The following JAKMIP2 variants were observed in gnomAD, a reference collection of about 807,000 sequenced individuals.
The protein encoded by JAKMIP2 is janus kinase and microtubule-interacting protein 2.
JAKMIP2 carries 25 observed loss-of-function variants against 115.0 expected under a neutral mutation model. That is an observed-to-expected ratio of 0.22 (90% CI 0.16 to 0.30). The LOEUF (loss-of-function observed/expected upper bound fraction) is 0.30. Ranked by LOEUF, JAKMIP2 falls within the 10% of genes least tolerant of loss-of-function variation. JAKMIP2 has a pLI of 1.00. For synonymous variants in JAKMIP2, 334 were observed against 343.6 expected (o/e 0.97, Z 0.31); for missense variants, 642 against 957.6 (o/e 0.67, Z 4.35).
Position 147,641,519 on chromosome 5 carries a change from A to G in JAKMIP2, c.1281+189T>C, listed in dbSNP as rs144338302. The stretch of plus-strand genomic sequence containing the variant: ...AAACCCCTTTCAGGTTAAAATTTAC[A>G]ACATAATCATTTTTAGACTTCGAAG... On this transcript the variant is annotated intron_variant, in intron 8 of 21. Coordinates refer to ENST00000616793, the MANE Select transcript of JAKMIP2 (RefSeq NM_001270941.2). Among the ~76,000 whole-genome samples the G allele has an allele frequency of 3.2e-3, 490 of 152,302 alleles. 3 individuals carry two copies. The highest frequency in any genetic ancestry group is 0.011 in the African/African-American group (477 of 41,558).
In JAKMIP2 at chr5:147,753,782, C is replaced by T. The variant is rs186321478; in HGVS notation, c.-149+28674G>A. On this transcript the variant is annotated intron_variant, in intron 1 of 21. Transcript: ENST00000616793. ...AATATTATTGGTGAGTCTGGTGTAA[C>T]ACATTGTGCCTATGTGCTCAGCAGA... 6.3e-4 allele frequency among the ~76,000 whole-genome samples: 95 copies of T among 151,646 alleles called. 1 individual carries two copies. The highest frequency in any genetic ancestry group is 3.4e-4 in the Non-Finnish European group (23 of 67,946).
intron 1 of JAKMIP2, among the ~76,000 whole-genome samples, chr5:147,672,381 T>C (rs1296571241): frequency 6.6e-6 from 1 of 152,222 alleles, no homozygotes; most frequent in East Asian, 1.9e-4. Flanking sequence ...CAGGATTACA[T>C]GTAATAGCTA....
At chr5:147,592,007 T>G (rs1755121256) in intron 21 of JAKMIP2, among the ~76,000 whole-genome samples, 2 of 152,208 alleles carry the variant, frequency 1.3e-5, no homozygotes, top group Admixed American at 1.3e-4. Context: ...GAAGTTAAAT[T>G]GAATAATCAT....
At chr5:147,769,796 GTGTT>G (rs1394024953) in intron 1 of JAKMIP2, among the ~76,000 whole-genome samples, 3 of 150,758 alleles carry the variant, frequency 2.0e-5, no homozygotes, top group Non-Finnish European at 4.4e-5. Context: ...CAGAAACACT[GTGTT>G]TGTCTCTGTA....
chr5:147,772,680 T>C (rs1266893877), intron 1 of JAKMIP2, among the ~76,000 whole-genome samples: 3 of 152,096 alleles, frequency 2.0e-5, no homozygotes, highest in Non-Finnish European at 4.4e-5. Context: ...TTCACTCAGG[T>C]TTACAAACAC....
chr5:147,710,499 G>A (rs555341052), intron 1 of JAKMIP2, among the ~76,000 whole-genome samples: 80 of 152,248 alleles, frequency 5.3e-4, no homozygotes, highest in African/African-American at 1.9e-3. Context: ...TGGGCTTTAC[G>A]ACTTACTAGC....
rs1754912611 is a variant in JAKMIP2 at position 147,587,315 on chromosome 5, G to T, written c.*4392C>A. The T allele has an allele frequency of 6.6e-6, 1 of 151,990 alleles. No homozygotes were observed. Among genetic ancestry groups the T allele is most frequent in the Non-Finnish European group, 1.5e-5 (1 of 68,004 alleles). The allele number at this position is 151,990 out of a possible 1,614,324, so 9.4% of individuals were successfully genotyped here. A position where few individuals can be genotyped will look rare whatever the true frequency, so the allele number is the denominator to read the frequency against. On this transcript the variant is annotated 3_prime_UTR_variant, in exon 22 of 22. Transcript: ENST00000616793. ...ATTAGTAAAATGATAGAATTAAACT[G>T]CCAAAAGCTGTCATTAATTACCAAA...
chr5:147,612,994 C>G (rs1756405005), intron 19 of JAKMIP2, among the ~76,000 whole-genome samples: 1 of 152,148 alleles, frequency 6.6e-6, no homozygotes. Context: ...GATTACACAT[C>G]AACAAACATT....
intron 1 of JAKMIP2, among the ~76,000 whole-genome samples, chr5:147,719,974 C>T (rs1362224138): frequency 6.6e-6 from 1 of 152,096 alleles, no homozygotes; most frequent in Non-Finnish European, 1.5e-5. Context: ...CATGATTTTG[C>T]AGCGGCTGGT....
intron 2 of JAKMIP2, among the ~76,000 whole-genome samples, chr5:147,670,262 A>C (rs1477899369): frequency 6.6e-6 from 1 of 152,250 alleles, no homozygotes; most frequent in African/African-American, 2.4e-5. Flanking sequence ...TTTTGGGAGA[A>C]ATAACAAATT....
Position 147,676,990 on chromosome 5 carries a change from T to A in JAKMIP2, c.-148-5036A>T, listed in dbSNP as rs555584515. The stretch of plus-strand genomic sequence containing the variant: ...AGATTCTGATGTAGTAATTGGCACA[T>A]GATTCTGATACACAGGCATCTCTGA... On this transcript the variant is annotated intron_variant, in intron 1 of 21. Coordinates refer to ENST00000616793, the MANE Select transcript of JAKMIP2 (RefSeq NM_001270941.2). 4.9e-4 allele frequency among the ~76,000 whole-genome samples: 74 copies of A among 152,358 alleles called. 1 individual carries two copies. The South Asian group carries it at 0.013, about 27-fold the overall frequency.
rs1754881871 is a variant in JAKMIP2, at chr5:147,586,652, T to G, written c.*5055A>C. ...TCACCAAATCAACCACGTGTATCTC[T>G]GCCACATTAATTTGAATATAGGAAA... On this transcript the variant is annotated 3_prime_UTR_variant, in exon 22 of 22. Coordinates refer to ENST00000616793, the MANE Select transcript of JAKMIP2 (RefSeq NM_001270941.2). 1 of 152,132 alleles carries G rather than the reference T, an allele frequency of 6.6e-6. No homozygotes were observed. Among genetic ancestry groups the G allele is most frequent in the African/African-American group, 2.4e-5 (1 of 41,422 alleles). 9.4% of individuals were successfully genotyped at this position (152,132 alleles called of 1,614,324 possible).
intron 1 of JAKMIP2, among the ~76,000 whole-genome samples, chr5:147,683,232 G>A (rs575156007): frequency 5.9e-5 from 9 of 152,314 alleles, no homozygotes; most frequent in East Asian, 3.9e-4. Context: ...GCTCATGCCT[G>A]TAATCCCAGC....
chr5:147,683,255 C>T (rs980601442), intron 1 of JAKMIP2, among the ~76,000 whole-genome samples: 1 of 152,108 alleles, frequency 6.6e-6, no homozygotes, highest in African/African-American at 2.4e-5. Flanking sequence ...TTTGGGAGGC[C>T]AAGGCAGGCA....
intron 1 of JAKMIP2, among the ~76,000 whole-genome samples, chr5:147,757,211 G>A (rs1338611379): frequency 6.6e-6 from 1 of 152,016 alleles, no homozygotes; most frequent in Non-Finnish European, 1.5e-5. Flanking sequence ...TAACCCAAAG[G>A]ATAGAGGTAG....
intron 5 of JAKMIP2, among the ~76,000 whole-genome samples, chr5:147,645,521 C>T (rs957337840): frequency 6.6e-6 from 1 of 151,958 alleles, no homozygotes; most frequent in African/African-American, 2.4e-5. Flanking sequence ...GAAATTTTAT[C>T]GAGGGGAAAA....
At chr5:147,746,276 C>T (rs1754343087) in intron 1 of JAKMIP2, among the ~76,000 whole-genome samples, 1 of 152,130 alleles carries the variant, frequency 6.6e-6, no homozygotes, top group Admixed American at 6.5e-5. Flanking sequence ...TTCATTCAGA[C>T]ATGCCAAGTA....
In JAKMIP2 at chr5:147,747,610, G is replaced by A. The variant is rs185954477; in HGVS notation, c.-149+34846C>T. 4.9e-3 allele frequency among the ~76,000 whole-genome samples: 748 copies of A among 152,124 alleles called. 6 individuals carry two copies. The highest frequency in any genetic ancestry group is 6.6e-3 in the Non-Finnish European group (450 of 68,008). ...TCTCCTTCCCAGGCTCTTGTGTCCC[G>A]CAGACCATCTTCCAGGTGCCATCAA... On this transcript the variant is annotated intron_variant, in intron 1 of 21. Transcript: ENST00000616793.
rs576143170 is a variant in JAKMIP2, at chr5:147,715,539, T to G, written c.-148-43585A>C. Among the ~76,000 whole-genome samples the G allele has an allele frequency of 2.0e-5, 3 of 151,460 alleles. No individual in the cohort carries two copies. In the South Asian group the frequency reaches 6.2e-4, roughly 31 times the overall value. On this transcript the variant is annotated intron_variant, in intron 1 of 21. Transcript: ENST00000616793. ...CAGCCTGTGACGGCTGTATTAATAC[T>G]AGAAAAAAAAGATTTTACTAGAACA...
Sources: allele counts gnomAD v4.1 joint callset (sites outside exome capture counted in the v4.1 genomes callset), GRCh38; gene constraint gnomAD v4.1.1; transcripts MANE v1.5; gene names NCBI Gene and HGNC (gene_info 2026-07-23, HGNC 2026-07-21).